The following MDN1 variants were observed in gnomAD, a reference collection of about 807,000 sequenced individuals.
MDN1 encodes the protein midasin AAA ATPase 1.
A neutral mutation model predicts 669.2 loss-of-function variants in MDN1; 266 were observed. The ratio of observed to expected loss-of-function variants is 0.40; its 90% CI spans 0.36 to 0.44. MDN1 has a LOEUF of 0.44. MDN1 is among the 20% of genes least tolerant of loss of function. The pLI, the probability that MDN1 is intolerant of heterozygous loss-of-function variation, is 1.00. For missense variants in MDN1, 5,940 were observed against 6,754.0 expected (o/e 0.88, Z 4.22); for synonymous variants, 2,385 against 2,457.1 (o/e 0.97, Z 0.87).
intron 2 of MDN1, among the ~76,000 whole-genome samples, chr6:89,798,106 C>T (rs6930094): frequency 0.18 from 26,639 of 145,588 alleles, 2,414 homozygotes; most frequent in East Asian, 0.23. Context: ...GGCGTGAACC[C>T]GGGAGGCGGA....
In MDN1 at chr6:89,732,627, T is replaced by C; in HGVS notation, c.4872A>G (p.Pro1624=). The C allele has an allele frequency of 6.2e-7, 1 of 1,613,938 alleles. No individual in the cohort carries two copies. Among genetic ancestry groups the C allele is most frequent in the Non-Finnish European group, 8.5e-7 (1 of 1,179,898 alleles). Reference sequence around the variant, plus strand: ...AAGATGTCACAGTGGAGATGATCTCTGGCCTTTTCAAAGCAGCTTCCTCCC... The same window carrying C: ...AAGATGTCACAGTGGAGATGATCTCCGGCCTTTTCAAAGCAGCTTCCTCCC... ...KMGEEAALKR[P]EIISTVTSFV... The change falls in exon 34 of 102, where the codon CCA becomes CCG. Residue 1624 remains proline, a synonymous_variant. Transcript: ENST00000369393.
chr6:89,652,092 G>A (rs761729), intron 95 of MDN1, 100 bp downstream of exon 95: 733,620 of 867,684 alleles, frequency 0.85, 311,251 homozygotes, highest in East Asian at 1. Flanking sequence ...GGTCCTTTTT[G>A]TTAAGGTAAT....
chr6:89,744,530 C>A lies in MDN1; in HGVS notation c.4178+743G>T, dbSNP rs573941576. Among the ~76,000 whole-genome samples, 51 of 152,152 alleles carry A rather than the reference C, an allele frequency of 3.4e-4. 1 individual carries two copies. Among genetic ancestry groups the A allele is most frequent in the African/African-American group, 9.9e-4 (41 of 41,542 alleles). On this transcript the variant is annotated intron_variant, in intron 29 of 101. Coordinates refer to ENST00000369393, the MANE Select transcript of MDN1 (RefSeq NM_014611.3). ...CGATTCTTCTGCCTCAACCTCCTGA[C>A]TAGCTAGGACTACAGGCAGATGCCA...
At chr6:89,802,986 A>T (rs1450181004) in intron 2 of MDN1, among the ~76,000 whole-genome samples, 3 of 152,158 alleles carry the variant, frequency 2.0e-5, no homozygotes, top group Non-Finnish European at 4.4e-5. Flanking sequence ...AATCTTTCCC[A>T]TTAGAGGTGG....
chr6:89,798,502 C>CA (rs572415548), intron 2 of MDN1, among the ~76,000 whole-genome samples: 4,404 of 131,572 alleles, frequency 0.033, 91 homozygotes, highest in South Asian at 0.09. Context: ...AACTCCATCT[C>CA]AAAAAAAAAA....
chr6:89,752,381 A>G (rs953360303), intron 22 of MDN1, among the ~76,000 whole-genome samples: 13 of 152,214 alleles, frequency 8.5e-5, no homozygotes, highest in African/African-American at 3.1e-4. Context: ...TCTTTACTCA[A>G]TGTTTTTACA....
intron 11 of MDN1, among the ~76,000 whole-genome samples, chr6:89,777,495 C>T (rs1229605964): frequency 6.6e-6 from 1 of 152,124 alleles, no homozygotes; most frequent in Non-Finnish European, 1.5e-5. Flanking sequence ...CTAAAACTAA[C>T]CCCCTCTTTG....
rs75381584 is a variant in MDN1 at position 89,761,335 on chromosome 6, G to A, written c.2460+310C>T. On this transcript the variant is annotated intron_variant, in intron 17 of 101. Transcript: ENST00000369393. ...TTCAAATGTTCTCACTACAAAAAAC[G>A]GTATTTGAGATGATGAATATTCACT... Among the ~76,000 whole-genome samples the A allele has an allele frequency of 8.6e-3, 1,302 of 152,054 alleles. 10 individuals carry two copies. The highest frequency in any genetic ancestry group is 0.015 in the Non-Finnish European group (991 of 67,992).
At chr6:89,758,483 T>C (rs1817369004) in intron 18 of MDN1, 132 bp from the exon 19 acceptor site, 2 of 727,886 alleles carry the variant, frequency 2.7e-6, no homozygotes, top group African/African-American at 3.6e-5. Context: ...GAAATAACTT[T>C]CCAGACCTAT....
At chr6:89,722,436 G>T (rs899981699) in intron 40 of MDN1, among the ~76,000 whole-genome samples, 4 of 152,212 alleles carry the variant, frequency 2.6e-5, no homozygotes, top group Non-Finnish European at 5.9e-5. Flanking sequence ...ATGTGATCAT[G>T]GGGATTTGGA....
intron 8 of MDN1, among the ~76,000 whole-genome samples, chr6:89,786,445 A>AAT (rs1217175175): frequency 3.9e-4 from 59 of 151,410 alleles, no homozygotes; most frequent in Non-Finnish European, 2.7e-4. Flanking sequence ...ATAATAATAA[A>AAT]AAAAATTTGT....
chr6:89,817,858 C>G (rs1425848605), intron 1 of MDN1, among the ~76,000 whole-genome samples: 1 of 152,058 alleles, frequency 6.6e-6, no homozygotes, highest in African/African-American at 2.4e-5. Flanking sequence ...AAGGGGTTGT[C>G]CCATACATAA....
chr6:89,711,991 T>C, intron 49 of MDN1, 45 bp downstream of exon 49: 1 of 1,490,780 alleles, frequency 6.7e-7, no homozygotes, highest in Non-Finnish European at 9.3e-7. Context: ...ATAGCATAAG[T>C]GTATATAAAT....
chr6:89,735,618 G>A (rs1021670237), intron 33 of MDN1, among the ~76,000 whole-genome samples: 4 of 152,026 alleles, frequency 2.6e-5, no homozygotes, highest in Admixed American at 1.3e-4. Flanking sequence ...AAATACTAGA[G>A]AAATTAAGTA....
rs1295384926 is a variant in MDN1 at position 89,787,897 on chromosome 6, A to T, written c.1291T>A (p.Cys431Ser). 1.9e-6 allele frequency: 3 copies of T among 1,613,756 alleles called. No individual in the cohort carries two copies. Among genetic ancestry groups the T allele is most frequent in the Non-Finnish European group, 2.5e-6 (3 of 1,180,020 alleles). ...GELLIPGRGD[C>S]LKVAPGFQFF... ...TGAAATCCAGGTGCCACTTTCAGAC[A>T]GTCACCTCGGCCAGGAATCAAGAGC... Residue 431 changes from cysteine to serine, a missense_variant, in exon 8 of 102, where the codon TGT (cysteine) becomes AGT (serine). Physicochemically the swap from Cys to Ser is moderately radical, Grantham distance 112. This residue lies in a region of MDN1 where 1,203 missense variants were observed against 1,268.9 expected (regional missense o/e 0.95). Coordinates refer to ENST00000369393, the MANE Select transcript of MDN1 (RefSeq NM_014611.3).
chr6:89,680,650 G>A lies in MDN1; in HGVS notation c.12204C>T (p.Cys4068=), dbSNP rs1174698310. The part of the protein sequence containing the change: ...PKLRKRMRKM[C]LTFMKESPLP... ...GGGGGCTCTCCTTCATGAACGTCAGGCACATCTTCCTCATGCGTTTCCTGA... is the reference window on the plus strand; with the variant it reads ...GGGGGCTCTCCTTCATGAACGTCAGACACATCTTCCTCATGCGTTTCCTGA... The change falls in exon 74 of 102, where the codon TGC becomes TGT. Residue 4068 remains cysteine (C), a synonymous_variant. Transcript: ENST00000369393. 2.5e-6 allele frequency: 4 copies of A among 1,614,154 alleles called. No individual in the cohort carries two copies. The highest frequency in any genetic ancestry group is 3.4e-6 in the Non-Finnish European group (4 of 1,180,030).
intron 9 of MDN1, among the ~76,000 whole-genome samples, chr6:89,784,058 A>T (rs1818820087): frequency 1.3e-5 from 2 of 152,108 alleles, no homozygotes; most frequent in Non-Finnish European, 2.9e-5. Context: ...TCACACCTAT[A>T]ATGCCAACAC....
At chr6:89,781,299 CAA>C (rs755764568) in intron 10 of MDN1, 98 bp downstream of exon 10, 2 of 1,222,020 alleles carry the variant, frequency 1.6e-6, no homozygotes. Context: ...TGGAGTGAGC[CAA>C]AACTGCACCA....
chr6:89,721,661 T>C (rs1395468907), intron 40 of MDN1, among the ~76,000 whole-genome samples: 17 of 152,160 alleles, frequency 1.1e-4, no homozygotes, highest in Admixed American at 9.8e-4. Context: ...TGCAGCGGCC[T>C]TTGAAGCTTA....
Sources: gnomAD v4.1 joint callset for allele counts (sites outside exome capture counted in the v4.1 genomes callset) on GRCh38, gnomAD v4.1.1 for gene constraint, gnomAD v4.1.1 regional missense constraint, MANE v1.5 for transcripts, NCBI Gene and HGNC (gene_info 2026-07-23, HGNC 2026-07-21) for gene names.